The following SPOP variants were observed in gnomAD, a reference collection of about 807,000 sequenced individuals.
SPOP encodes speckle-type POZ protein.
In SPOP, 11 loss-of-function variants were observed where a neutral mutation model predicts 45.6. That is an observed-to-expected ratio of 0.24 (90% CI 0.15 to 0.40). SPOP has a LOEUF of 0.40. Among genes scored for constraint, SPOP ranks in the 10% least tolerant of loss-of-function variants. SPOP has a pLI of 1.00. For synonymous variants in SPOP, 166 were observed against 166.3 expected (o/e 1.00, Z 0.01); for missense variants, 152 against 465.6 (o/e 0.33, Z 6.20).
chr17:49,648,453 C>T (rs1369199932), intron 1 of SPOP, among the ~76,000 whole-genome samples: 1 of 152,208 alleles, frequency 6.6e-6, no homozygotes, highest in African/African-American at 2.4e-5. Context: ...TGCATTCTTC[C>T]CTCAGGCTGG....
At chr17:49,602,659 C>G (rs897764693) in intron 8 of SPOP, among the ~76,000 whole-genome samples, 2 of 152,132 alleles carry the variant, frequency 1.3e-5, no homozygotes, top group Non-Finnish European at 2.9e-5. Flanking sequence ...AACTAAAGGC[C>G]TCCTTTTAAA....
intron 1 of SPOP, among the ~76,000 whole-genome samples, chr17:49,645,767 ACTTAAGG>A (rs1488157266): frequency 6.6e-6 from 1 of 152,168 alleles, no homozygotes; most frequent in Admixed American, 6.5e-5. Context: ...TAAAAAGAAC[ACTTAAGG>A]CTTTTTTGCC....
chr17:49,601,126 G>A (rs2071732258), intron 9 of SPOP: 1 of 152,820 alleles, frequency 6.5e-6, no homozygotes, highest in South Asian at 2.1e-4. Flanking sequence ...GTTATTTCCT[G>A]TCTTTGGGAA....
chr17:49,671,956 C>T (rs1301861949), intron 1 of SPOP, among the ~76,000 whole-genome samples: 4 of 152,012 alleles, frequency 2.6e-5, no homozygotes, highest in South Asian at 2.1e-4. Context: ...CTGGCTAACA[C>T]GGTGAAACCC....
intron 1 of SPOP, among the ~76,000 whole-genome samples, chr17:49,637,994 C>T (rs148592172): frequency 5.9e-4 from 90 of 152,190 alleles, no homozygotes; most frequent in African/African-American, 2.0e-3. Context: ...TGCAGGCACA[C>T]GCCACCATGC....
At chr17:49,608,002 G>C (rs568956252) in intron 6 of SPOP, 73 bp from the exon 7 acceptor site, 1 of 1,417,730 alleles carries the variant, frequency 7.1e-7, no homozygotes, top group African/African-American at 1.4e-5. Flanking sequence ...AGTCATGAGG[G>C]AGAGATCATT....
At chr17:49,668,674 G>C (rs1301637641) in intron 1 of SPOP, among the ~76,000 whole-genome samples, 2 of 151,084 alleles carry the variant, frequency 1.3e-5, no homozygotes, top group Non-Finnish European at 2.9e-5. Flanking sequence ...TATATGCATG[G>C]TATTATTCTT....
intron 8 of SPOP, among the ~76,000 whole-genome samples, chr17:49,603,917 G>C (rs1460703111): frequency 6.6e-6 from 1 of 152,236 alleles, no homozygotes; most frequent in Non-Finnish European, 1.5e-5. Flanking sequence ...CATGCCCTGT[G>C]TACTTACAGT....
At chr17:49,660,084 G>A (rs2072967031) in intron 1 of SPOP, among the ~76,000 whole-genome samples, 1 of 152,162 alleles carries the variant, frequency 6.6e-6, no homozygotes, top group South Asian at 2.1e-4. Flanking sequence ...CCAGGCACCA[G>A]GAGTAGAAAA....
chr17:49,671,326 T>C (rs1177959049), intron 1 of SPOP, among the ~76,000 whole-genome samples: 2 of 151,466 alleles, frequency 1.3e-5, no homozygotes, highest in African/African-American at 4.8e-5. Flanking sequence ...GTTTTTACCA[T>C]TAAATGACAA....
At chr17:49,621,631 C>A (rs895496496) in intron 3 of SPOP, among the ~76,000 whole-genome samples, 2 of 152,184 alleles carry the variant, frequency 1.3e-5, no homozygotes, top group Non-Finnish European at 2.9e-5. Context: ...TTTAGAAGAA[C>A]ACTCACTAGT....
chr17:49,618,878 T>C (rs2072148124), intron 5 of SPOP, 103 bp downstream of exon 5: 2 of 1,384,766 alleles, frequency 1.4e-6, no homozygotes, highest in Non-Finnish European at 2.0e-6. Flanking sequence ...ACTACTCCAC[T>C]TGGGGCTTTT....
At chr17:49,646,961 C>T (rs2072768193) in intron 1 of SPOP, among the ~76,000 whole-genome samples, 1 of 152,090 alleles carries the variant, frequency 6.6e-6, no homozygotes, top group East Asian at 1.9e-4. Context: ...GCTTTCAGTT[C>T]CAATTTCATT....
intron 1 of SPOP, among the ~76,000 whole-genome samples, chr17:49,627,428 T>C (rs747398217): frequency 1.3e-5 from 2 of 152,194 alleles, no homozygotes; most frequent in African/African-American, 2.4e-5. Context: ...CCAATTATCA[T>C]TAATGGCCAG....
At chr17:49,638,340 A>G (rs956970728) in intron 1 of SPOP, among the ~76,000 whole-genome samples, 1 of 152,246 alleles carries the variant, frequency 6.6e-6, no homozygotes, top group Non-Finnish European at 1.5e-5. Flanking sequence ...CTGTAATCCC[A>G]GCACTTGTGG....
intron 1 of SPOP, among the ~76,000 whole-genome samples, chr17:49,674,672 T>C (rs1295937476): frequency 6.6e-6 from 1 of 152,234 alleles, no homozygotes; most frequent in Non-Finnish European, 1.5e-5. Context: ...GCAGTTTACT[T>C]GGATAAACAA....
At chr17:49,663,780 C>A (rs914819893) in intron 1 of SPOP, among the ~76,000 whole-genome samples, 1 of 152,154 alleles carries the variant, frequency 6.6e-6, no homozygotes, top group African/African-American at 2.4e-5. Flanking sequence ...CAGACATTTT[C>A]TTGAAAATGG....
At chr17:49,636,207 A>G (rs563831038) in intron 1 of SPOP, 66 of 152,274 alleles carry the variant, frequency 4.3e-4, no homozygotes, top group African/African-American at 1.5e-3. Flanking sequence ...CATGTTGACC[A>G]GGATGGTCTC....
intron 1 of SPOP, among the ~76,000 whole-genome samples, chr17:49,658,669 G>A (rs1357293961): frequency 1.3e-5 from 2 of 152,184 alleles, no homozygotes; most frequent in Non-Finnish European, 2.9e-5. Context: ...ATAGCAATGA[G>A]TCAAGTCATA....
Sources: allele counts gnomAD v4.1 joint callset (sites outside exome capture counted in the v4.1 genomes callset), GRCh38; gene constraint gnomAD v4.1.1; transcripts MANE v1.5; gene names NCBI Gene and HGNC (gene_info 2026-07-23, HGNC 2026-07-21).